BIRC6: variants seen among roughly 807,000 people sequenced by gnomAD.
The protein encoded by BIRC6 is baculoviral IAP repeat containing 6.
BIRC6 carries 98 observed loss-of-function variants against 503.3 expected under a neutral mutation model. That is an observed-to-expected ratio of 0.19 (90% confidence interval 0.17 to 0.23). BIRC6 has a LOEUF of 0.23. Ranked by LOEUF, BIRC6 falls within the 10% of genes least tolerant of loss-of-function variation. The pLI, the probability that BIRC6 is intolerant of heterozygous loss-of-function variation, is 1.00. For missense variants in BIRC6, 5,360 were observed against 5,806.0 expected (o/e 0.92, Z 2.50); for synonymous variants, 2,240 against 2,078.7 (o/e 1.08, Z -2.11).
At chr2:32,542,984 G>A (rs1468641787) in intron 61 of BIRC6, among the ~76,000 whole-genome samples, 1 of 151,712 alleles carries the variant, frequency 6.6e-6, no homozygotes, top group Admixed American at 6.5e-5. Context: ...ATTTTTAGTA[G>A]AGACGGTGTT....
chr2:32,406,532 G>A lies in BIRC6; in HGVS notation c.1452G>A (p.Glu484=), dbSNP rs2041237024. The change falls in exon 9 of 74, where the codon GAG becomes GAA. Residue 484 remains glutamate (E), a synonymous_variant. Coordinates refer to ENST00000421745, the MANE Select transcript of BIRC6 (RefSeq NM_016252.4). ...DDLLEDSDSE[E]HSRSDSVTGH... ...TACTGGAGGATTCAGACAGTGAAGA[G>A]CATTCCAGATCAGATTCTGTGACAG... The A allele has an allele frequency of 1.9e-6, 3 of 1,610,354 alleles. No homozygotes were observed. Among genetic ancestry groups the A allele is most frequent in the Admixed American group, 3.3e-5 (2 of 59,710 alleles).
chr2:32,496,794 T>G (rs1277526586), intron 45 of BIRC6, among the ~76,000 whole-genome samples: 3 of 152,214 alleles, frequency 2.0e-5, no homozygotes, highest in African/African-American at 7.2e-5. Flanking sequence ...GATGTATTGC[T>G]TGTTTGGCCA....
intron 65 of BIRC6, among the ~76,000 whole-genome samples, chr2:32,571,268 A>G (rs2059894880): frequency 1.3e-5 from 2 of 150,776 alleles, no homozygotes; most frequent in African/African-American, 2.4e-5. Flanking sequence ...TCATAAAATG[A>G]GTTAGAGAGA....
At chr2:32,558,817 C>T (rs533539996) in intron 65 of BIRC6, 6 of 152,174 alleles carry the variant, frequency 3.9e-5, no homozygotes, top group African/African-American at 1.2e-4. Flanking sequence ...GATGTATCTT[C>T]GCTGTTAGTA....
chr2:32,502,910 A>G lies in BIRC6; in HGVS notation c.9304+19A>G. 1.3e-6 allele frequency: 2 copies of G among 1,577,250 alleles called. No individual in the cohort carries two copies. The highest frequency in any genetic ancestry group is 1.7e-6 in the Non-Finnish European group (2 of 1,155,456). ...GATATGGGTAAGATAATATTTCAAT[A>G]ACTATCATTTAAGTGTAGTTATGTG... is the stretch of plus-strand genomic sequence containing the variant. On this transcript the variant is annotated intron_variant, in intron 48 of 73. Coordinates refer to ENST00000421745, the MANE Select transcript of BIRC6 (RefSeq NM_016252.4).
intron 62 of BIRC6, among the ~76,000 whole-genome samples, chr2:32,544,348 A>G (rs964305919): frequency 3.9e-5 from 6 of 152,090 alleles, no homozygotes; most frequent in South Asian, 2.1e-4. Context: ...TAATGATAAC[A>G]TAGAATAATA....
At chr2:32,477,279 G>A in intron 34 of BIRC6, 89 bp from the exon 35 acceptor site, 1 of 1,329,018 alleles carries the variant, frequency 7.5e-7, no homozygotes, top group Non-Finnish European at 1.0e-6. Context: ...GTTGTAATAT[G>A]GAGTGGATAT....
At chr2:32,590,511 A>T (rs946843525) in intron 66 of BIRC6, among the ~76,000 whole-genome samples, 3 of 152,226 alleles carry the variant, frequency 2.0e-5, no homozygotes, top group Non-Finnish European at 4.4e-5. Flanking sequence ...ATAAAATACC[A>T]TAATTCTGAC....
At chr2:32,360,590 A>T (rs1486609586) in intron 1 of BIRC6, among the ~76,000 whole-genome samples, 1 of 152,170 alleles carries the variant, frequency 6.6e-6, no homozygotes, top group African/African-American at 2.4e-5. Context: ...CGCTCCAGTC[A>T]TTTAGCTAAG....
At chr2:32,577,879 A>G (rs949959451) in intron 66 of BIRC6, among the ~76,000 whole-genome samples, 2 of 152,224 alleles carry the variant, frequency 1.3e-5, no homozygotes, top group African/African-American at 2.4e-5. Context: ...TCAGCCAGAG[A>G]ACATTCTTCA....
intron 8 of BIRC6, 83 bp downstream of exon 8, chr2:32,401,706 G>C (rs1382307740): frequency 3.9e-6 from 5 of 1,266,896 alleles, no homozygotes; most frequent in Non-Finnish European, 5.4e-6. Flanking sequence ...AATAATTAAA[G>C]AGGAGGAAAA....
intron 35 of BIRC6, 118 bp from the exon 36 acceptor site, chr2:32,478,517 C>A: frequency 1.3e-6 from 1 of 782,610 alleles, no homozygotes; most frequent in Non-Finnish European, 1.9e-6. Flanking sequence ...TGATACCAGA[C>A]TCATACATCA....
chr2:32,540,581 T>G (rs1351974045), intron 61 of BIRC6, among the ~76,000 whole-genome samples: 1 of 152,064 alleles, frequency 6.6e-6, no homozygotes, highest in Non-Finnish European at 1.5e-5. Context: ...ATAATACAAG[T>G]GAATATAATA....
chr2:32,359,906 T>C (rs2033776535), intron 1 of BIRC6, among the ~76,000 whole-genome samples: 1 of 152,118 alleles, frequency 6.6e-6, no homozygotes, highest in Admixed American at 6.6e-5. Flanking sequence ...AGAGGTTGTA[T>C]AGGGTCCTAT....
At chr2:32,517,799 C>G (rs1448552969) in intron 55 of BIRC6, among the ~76,000 whole-genome samples, 1 of 151,988 alleles carries the variant, frequency 6.6e-6, no homozygotes, top group Non-Finnish European at 1.5e-5. Flanking sequence ...CTAGGCTGGT[C>G]TGGAATTCCT....
intron 34 of BIRC6, 103 bp downstream of exon 34, chr2:32,476,447 A>C: frequency 7.8e-7 from 1 of 1,277,126 alleles, no homozygotes; most frequent in East Asian, 2.9e-5. Context: ...TGCTTAACAG[A>C]GAAGCCAACC....
intron 14 of BIRC6, 101 bp downstream of exon 14, chr2:32,435,686 T>C (rs1489894138): frequency 8.0e-7 from 1 of 1,243,206 alleles, no homozygotes; most frequent in Non-Finnish European, 1.1e-6. Context: ...AAAAACTTGG[T>C]TTCAAGAACA....
At chr2:32,524,343 C>A (rs2056063705) in intron 57 of BIRC6, among the ~76,000 whole-genome samples, 1 of 152,062 alleles carries the variant, frequency 6.6e-6, no homozygotes, top group African/African-American at 2.4e-5. Flanking sequence ...TAAAAATTAA[C>A]AGAACAGGAA....
intron 53 of BIRC6, 117 bp from the exon 54 acceptor site, chr2:32,512,816 C>G (rs2054580637): frequency 1.4e-6 from 1 of 727,814 alleles, no homozygotes; most frequent in Non-Finnish European, 2.3e-6. Context: ...TAATCAAAAA[C>G]AATTAGTGCA....
Sources: allele counts gnomAD v4.1 joint callset (sites outside exome capture counted in the v4.1 genomes callset), GRCh38; gene constraint gnomAD v4.1.1; transcripts MANE v1.5; gene names NCBI Gene and HGNC (gene_info 2026-07-23, HGNC 2026-07-21).